GCNT2: variants seen among roughly 807,000 people sequenced by gnomAD.
The protein encoded by GCNT2 is glucosaminyl (N-acetyl) transferase 2 (I blood group).
Under a neutral mutation model 34.2 loss-of-function variants are expected in GCNT2, and 34 were observed. That is an observed-to-expected ratio of 1.00 (90% CI 0.76 to 1.32). The LOEUF (loss-of-function observed/expected upper bound fraction) is 1.32. Among genes scored for constraint, GCNT2 ranks in the 40% most tolerant of loss-of-function variants. GCNT2 has a pLI of 0.00. For missense variants in GCNT2, 584 were observed against 489.4 expected (o/e 1.19, Z -1.82); for synonymous variants, 212 against 188.0 (o/e 1.13, Z -1.04).
chr6:10,541,458 G>C (rs549716776), intron 3 of GCNT2, among the ~76,000 whole-genome samples: 1 of 152,156 alleles, frequency 6.6e-6, no homozygotes, highest in African/African-American at 2.4e-5. Context: ...ATTGTGAATA[G>C]TGCTGCAGTG....
chr6:10,574,302 A>G (rs1763689720), intron 3 of GCNT2, among the ~76,000 whole-genome samples: 1 of 152,196 alleles, frequency 6.6e-6, no homozygotes, highest in African/African-American at 2.4e-5. Flanking sequence ...GACAACATAT[A>G]TGCATGTGCT....
Position 10,527,047 on chromosome 6 carries a change from A to C in GCNT2, c.-468-427A>C, listed in dbSNP as rs145950302. 1.2e-3 allele frequency among the ~76,000 whole-genome samples: 190 copies of C among 152,358 alleles called. 1 individual carries two copies. Among genetic ancestry groups the C allele is most frequent in the African/African-American group, 4.4e-3 (181 of 41,592 alleles). On this transcript the variant is annotated intron_variant, in intron 1 of 4. Coordinates refer to ENST00000495262, the MANE Select transcript of GCNT2 (RefSeq NM_145649.5). ...CTGTACCACATTCACAGATACAAAT[A>C]TATATCTCCTACAAATCAGTATTAC...
rs762118663 is a variant in GCNT2 at position 10,626,421 on chromosome 6, C to T, written c.1023C>T (p.His341=). Residue 341 remains histidine, a synonymous_variant, in exon 5 of 5, where the codon CAC becomes CAT. Coordinates refer to ENST00000495262, the MANE Select transcript of GCNT2 (RefSeq NM_145649.5). ...TTCTTGTTCTTTCTTTTGCAGGCCA[C>T]TATGTACATGGTATTTGTATCTATG... ...MEDRHGGCHG[H]YVHGICIYGN... The T allele has an allele frequency of 6.2e-7, 1 of 1,609,990 alleles. No homozygotes were observed. The highest frequency in any genetic ancestry group is 8.5e-7 in the Non-Finnish European group (1 of 1,176,214).
chr6:10,541,074 C>T (rs543295043), intron 3 of GCNT2, among the ~76,000 whole-genome samples: 14 of 151,150 alleles, frequency 9.3e-5, no homozygotes, highest in South Asian at 2.1e-4. Flanking sequence ...CATAGGTAAA[C>T]GTGTGCCACA....
At chr6:10,603,147 T>G (rs572218807) in intron 3 of GCNT2, among the ~76,000 whole-genome samples, 1 of 152,286 alleles carries the variant, frequency 6.6e-6, no homozygotes, top group South Asian at 2.1e-4. Context: ...GTTTTTGAAC[T>G]CAAAAACCCA....
At position 10,523,263 on chromosome 6, in the gene GCNT2, A is replaced by G. The variant is rs911907090; in HGVS notation, c.-469+1846A>G. Reference sequence around the variant, plus strand: ...TGGTGAAACCCCATCTCTACTAAAAAGAAAATACAAAAATTAGCCGGGTGT... The same window carrying G: ...TGGTGAAACCCCATCTCTACTAAAAGGAAAATACAAAAATTAGCCGGGTGT... On this transcript the variant is annotated intron_variant, in intron 1 of 4. Transcript: ENST00000495262. Among the ~76,000 whole-genome samples the G allele has an allele frequency of 5.9e-5, 9 of 152,100 alleles. 1 individual carries two copies. The South Asian group carries it at 1.7e-3, about 28-fold the overall frequency.
rs57538079 is a variant in GCNT2 at position 10,585,032 on chromosome 6, AGTGTGTGTGTGTGT to A, written c.926-36285_926-36272del. Among the ~76,000 whole-genome samples, 579 of 127,534 alleles carry A rather than the reference AGTGTGTGTGTGTGT, an allele frequency of 4.5e-3. 3 individuals are homozygous for A. Among genetic ancestry groups the A allele is most frequent in the African/African-American group, 0.011 (339 of 31,546 alleles). The allele number at this position is 127,534 out of a possible 152,430, so 83.7% of individuals were successfully genotyped here. ...TTCTTTGTTCCCTCTTCCCATAGTC[AGTGTGTGTGTGTGT>A]GTGTGTGTGTGTGTGTGTGTGTGTG... On this transcript the variant is annotated intron_variant, in intron 3 of 4. Coordinates refer to ENST00000495262, the MANE Select transcript of GCNT2 (RefSeq NM_145649.5).
At chr6:10,620,383 C>A (rs1207011221) in intron 3 of GCNT2, among the ~76,000 whole-genome samples, 5 of 151,680 alleles carry the variant, frequency 3.3e-5, no homozygotes, top group South Asian at 4.2e-4. Flanking sequence ...ATGTTGACTC[C>A]CATGTTTTCC....
intron 3 of GCNT2, among the ~76,000 whole-genome samples, chr6:10,571,891 G>A (rs1763569717): frequency 6.7e-6 from 1 of 149,740 alleles, no homozygotes; most frequent in East Asian, 1.9e-4. Flanking sequence ...TGATTTGCAC[G>A]CCTGCCCCCT....
intron 3 of GCNT2, among the ~76,000 whole-genome samples, chr6:10,549,684 G>C (rs990233431): frequency 4.1e-5 from 6 of 147,816 alleles, no homozygotes; most frequent in African/African-American, 1.5e-4. Flanking sequence ...CAATTCTCCT[G>C]CCTCAGTCTC....
At chr6:10,571,652 C>T (rs1763561063) in intron 3 of GCNT2, among the ~76,000 whole-genome samples, 2 of 152,176 alleles carry the variant, frequency 1.3e-5, no homozygotes, top group Non-Finnish European at 2.9e-5. Flanking sequence ...CGCACCAAGC[C>T]CTATAGTAGA....
intron 3 of GCNT2, among the ~76,000 whole-genome samples, chr6:10,617,388 G>A (rs779315312): frequency 6.2e-4 from 94 of 152,142 alleles, no homozygotes; most frequent in Non-Finnish European, 1.8e-4. Context: ...GGTTCCCGCC[G>A]GCGCCTCTCT....
intron 3 of GCNT2, among the ~76,000 whole-genome samples, chr6:10,574,357 G>C (rs1479363042): frequency 1.3e-5 from 2 of 152,202 alleles, no homozygotes; most frequent in Non-Finnish European, 2.9e-5. Context: ...TTGTGAGGTA[G>C]TTTCTATTAC....
intron 3 of GCNT2, among the ~76,000 whole-genome samples, chr6:10,538,533 TGATA>T (rs1561784996): frequency 4.0e-5 from 6 of 149,022 alleles, no homozygotes; most frequent in Admixed American, 3.3e-4. Flanking sequence ...ATATAAACCC[TGATA>T]GATCTCATGG....
chr6:10,561,030 G>T (rs547401783), intron 3 of GCNT2, among the ~76,000 whole-genome samples: 1 of 152,180 alleles, frequency 6.6e-6, no homozygotes, highest in Non-Finnish European at 1.5e-5. Context: ...ATCAGGCTGT[G>T]ACAGCCGTAA....
chr6:10,601,961 CA>C (rs1178029203), intron 3 of GCNT2, among the ~76,000 whole-genome samples: 3 of 114,330 alleles, frequency 2.6e-5, no homozygotes, highest in African/African-American at 1.2e-4. Context: ...AAAAAAAAAA[CA>C]AAAAAAACAC....
intron 4 of GCNT2, among the ~76,000 whole-genome samples, chr6:10,622,752 T>C (rs1286125330): frequency 8.3e-6 from 1 of 121,174 alleles, no homozygotes; most frequent in African/African-American, 3.4e-5. Flanking sequence ...CTTTTTTTTT[T>C]TTTTTTTTTT....
chr6:10,621,435 G>A lies in GCNT2; in HGVS notation c.1010G>A (p.Gly337Asp). The part of the protein sequence containing the change: ...KWSDMEDRHG[G>D]CHGHYVHGIC... ...AGTGACATGGAAGACAGACACGGAG[G>A]CTGCCACGGTGAGGCTCTCGTTCCA... Residue 337 changes from glycine (G) to aspartate (D), a missense_variant, in exon 4 of 5, where the codon GGC becomes GAC. Coordinates refer to ENST00000495262, the MANE Select transcript of GCNT2 (RefSeq NM_145649.5). The A allele has an allele frequency of 6.2e-7, 1 of 1,607,696 alleles. No individual in the cohort carries two copies. The highest frequency in any genetic ancestry group is 8.5e-7 in the Non-Finnish European group (1 of 1,174,234).
At chr6:10,614,598 C>T (rs1008193903) in intron 3 of GCNT2, among the ~76,000 whole-genome samples, 16 of 145,544 alleles carry the variant, frequency 1.1e-4, no homozygotes, top group Non-Finnish European at 2.1e-4. Context: ...TGGACTCCAG[C>T]CTGGGCAACA....
Sources: gnomAD v4.1 joint callset for allele counts (sites outside exome capture counted in the v4.1 genomes callset) on GRCh38, gnomAD v4.1.1 for gene constraint, MANE v1.5 for transcripts, NCBI Gene and HGNC (gene_info 2026-07-23, HGNC 2026-07-21) for gene names.